The following TMEM132C variants were observed in gnomAD, a reference collection of about 807,000 sequenced individuals.
TMEM132C encodes the protein protein phosphatase 1, regulatory subunit 152.
A neutral mutation model predicts 61.4 loss-of-function variants in TMEM132C; 29 were observed. The ratio of observed to expected loss-of-function variants is 0.47; its 90% CI spans 0.35 to 0.64. The LOEUF (loss-of-function observed/expected upper bound fraction) is 0.64. Among genes scored for constraint, TMEM132C ranks in the 30% least tolerant of loss-of-function variants. TMEM132C has a pLI of 0.00. For synonymous variants in TMEM132C, 656 were observed against 633.1 expected, an observed-to-expected ratio of 1.04 and a Z score of -0.54; for missense variants, 1,408 against 1,476.9, an observed-to-expected ratio of 0.95 and a Z score of 0.76.
chr12:128,678,345 G>T (rs371855522), intron 5 of TMEM132C, among the ~76,000 whole-genome samples: 47 of 152,306 alleles, frequency 3.1e-4, no homozygotes, highest in African/African-American at 9.9e-4. Flanking sequence ...TGGACTTGGG[G>T]TCCCTGCTGT....
At chr12:128,556,080 G>T (rs990762941) in intron 3 of TMEM132C, among the ~76,000 whole-genome samples, 1 of 152,192 alleles carries the variant, frequency 6.6e-6, no homozygotes, top group African/African-American at 2.4e-5. Flanking sequence ...GCATTGGGGT[G>T]GTGGGTGGAG....
At chr12:128,347,675 G>C (rs1457049352) in intron 1 of TMEM132C, among the ~76,000 whole-genome samples, 2 of 152,142 alleles carry the variant, frequency 1.3e-5, no homozygotes, top group Non-Finnish European at 2.9e-5. Flanking sequence ...TGATCCACCC[G>C]CCTTGGTCTC....
chr12:128,273,311 GA>G (rs1349613023), intron 1 of TMEM132C, among the ~76,000 whole-genome samples: 2 of 152,062 alleles, frequency 1.3e-5, no homozygotes, highest in African/African-American at 4.8e-5. Flanking sequence ...TTTATTCTTA[GA>G]AATATTTCTT....
chr12:128,452,338 G>T (rs538675936), intron 2 of TMEM132C, among the ~76,000 whole-genome samples: 1 of 151,744 alleles, frequency 6.6e-6, no homozygotes, highest in Non-Finnish European at 1.5e-5. Flanking sequence ...GGACTCAAGC[G>T]ATTCTCCCAC....
At chr12:128,561,247 G>T (rs1173086079) in intron 3 of TMEM132C, among the ~76,000 whole-genome samples, 1 of 152,200 alleles carries the variant, frequency 6.6e-6, no homozygotes, top group Non-Finnish European at 1.5e-5. Context: ...ATTCCAGTTG[G>T]CAAGAACTTC....
Position 128,465,003 on chromosome 12 carries a change from C to A in TMEM132C, c.974+49383C>A, listed in dbSNP as rs1870680940. 4.0e-5 allele frequency among the ~76,000 whole-genome samples: 6 copies of A among 151,854 alleles called. No homozygotes were observed. In the South Asian group the frequency reaches 6.3e-4, roughly 16 times the overall value. On this transcript the variant is annotated intron_variant, in intron 2 of 8. Transcript: ENST00000435159. ...AGGGGAGAGAAGGAGGAGAGTAAAT[C>A]CGGGAGGAATTTCCCGTTTTCCCAA...
At chr12:128,622,608 G>T (rs1953979278) in intron 4 of TMEM132C, among the ~76,000 whole-genome samples, 1 of 151,680 alleles carries the variant, frequency 6.6e-6, no homozygotes, top group South Asian at 2.1e-4. Context: ...CCATGGCACT[G>T]CAGAGATGCT....
At chr12:128,610,885 C>G (rs1035886498) in intron 3 of TMEM132C, among the ~76,000 whole-genome samples, 1 of 152,136 alleles carries the variant, frequency 6.6e-6, no homozygotes, top group Admixed American at 6.5e-5. Context: ...TGGCTGAGAG[C>G]CTGCCCCTCC....
At chr12:128,377,353 C>T (rs369926343) in intron 1 of TMEM132C, among the ~76,000 whole-genome samples, 50 of 152,250 alleles carry the variant, frequency 3.3e-4, no homozygotes, top group African/African-American at 1.1e-3. Context: ...GTGCCTGGCC[C>T]GAGAATCTTT....
At chr12:128,387,165 A>G (rs1874612505) in intron 1 of TMEM132C, among the ~76,000 whole-genome samples, 1 of 148,400 alleles carries the variant, frequency 6.7e-6, no homozygotes, top group South Asian at 2.2e-4. Flanking sequence ...AAAAAAAGAA[A>G]CTAAAAACTG....
intron 5 of TMEM132C, among the ~76,000 whole-genome samples, chr12:128,673,318 G>C (rs1359639248): frequency 6.6e-6 from 1 of 152,194 alleles, no homozygotes; most frequent in African/African-American, 2.4e-5. Flanking sequence ...TAGCAAGAAG[G>C]CAGCAGTCCG....
chr12:128,270,781 T>A (rs1249462621), intron 1 of TMEM132C, among the ~76,000 whole-genome samples: 5 of 152,238 alleles, frequency 3.3e-5, no homozygotes, highest in Non-Finnish European at 5.9e-5. Flanking sequence ...TTTAGCCTCT[T>A]AGTAGTTATT....
intron 1 of TMEM132C, among the ~76,000 whole-genome samples, chr12:128,392,094 C>G (rs1267269378): frequency 6.8e-6 from 1 of 146,672 alleles, no homozygotes; most frequent in Non-Finnish European, 1.5e-5. Context: ...CTCTCTCTCT[C>G]TCTCAGAGAT....
intron 4 of TMEM132C, among the ~76,000 whole-genome samples, chr12:128,627,974 C>T (rs1173143517): frequency 6.6e-6 from 1 of 152,130 alleles, no homozygotes; most frequent in African/African-American, 2.4e-5. Flanking sequence ...GGTGCAGGTG[C>T]AGGTTCAGGT....
At chr12:128,483,686 G>A (rs944465631) in intron 2 of TMEM132C, among the ~76,000 whole-genome samples, 8 of 152,170 alleles carry the variant, frequency 5.3e-5, no homozygotes, top group Non-Finnish European at 8.8e-5. Flanking sequence ...ATGGACATCT[G>A]TAGAACTGGC....
chr12:128,373,049 A>G (rs1874077871), intron 1 of TMEM132C, among the ~76,000 whole-genome samples: 1 of 152,210 alleles, frequency 6.6e-6, no homozygotes, highest in African/African-American at 2.4e-5. Context: ...TTTGGAGACA[A>G]GTAATGGTGT....
In TMEM132C at chr12:128,661,613, G is replaced by A. The variant is rs149481407; in HGVS notation, c.1306-7804G>A. Among the ~76,000 whole-genome samples the A allele has an allele frequency of 5.7e-3, 860 of 151,240 alleles. 12 individuals carry two copies. The highest frequency in any genetic ancestry group is 0.018 in the African/African-American group (730 of 41,246). ...TGCACATGGAGGGATTCAGTTATTT[G>A]CAAAGGCAAAGAATTTGAAACACTG... On this transcript the variant is annotated intron_variant, in intron 4 of 8. Transcript: ENST00000435159.
At chr12:128,392,247 G>T (rs1874792070) in intron 1 of TMEM132C, among the ~76,000 whole-genome samples, 1 of 152,190 alleles carries the variant, frequency 6.6e-6, no homozygotes, top group African/African-American at 2.4e-5. Context: ...ATCAAGAAAG[G>T]CTTGAACCGG....
intron 4 of TMEM132C, among the ~76,000 whole-genome samples, chr12:128,638,840 T>C (rs1036522841): frequency 2.2e-4 from 34 of 152,086 alleles, no homozygotes; most frequent in African/African-American, 8.0e-4. Context: ...GTAGTGATGA[T>C]GATGATGATG....
Sources: allele counts gnomAD v4.1 joint callset (sites outside exome capture counted in the v4.1 genomes callset), GRCh38; gene constraint gnomAD v4.1.1; transcripts MANE v1.5; gene names NCBI Gene and HGNC (gene_info 2026-07-23, HGNC 2026-07-21).